Variants in PDE10A observed in about 807,000 individuals in gnomAD.
The protein encoded by PDE10A is phosphodiesterase 10A.
PDE10A carries 39 observed loss-of-function variants against 97.7 expected under a neutral mutation model. That is an observed-to-expected ratio of 0.40 (90% confidence interval 0.31 to 0.52). The LOEUF (loss-of-function observed/expected upper bound fraction) is 0.52, where lower values mean the gene tolerates loss of function less well. Among genes scored for constraint, PDE10A ranks in the 20% least tolerant of loss-of-function variants. The probability of loss-of-function intolerance (pLI) is 0.56; values close to 1 mark genes in which losing one functional copy is unlikely to be tolerated. For synonymous variants in PDE10A, 371 were observed against 376.8 expected, an observed-to-expected ratio of 0.98 and a Z score of 0.18; for missense variants, 731 against 1,047.8, an observed-to-expected ratio of 0.70 and a Z score of 4.17.
chr6:165,551,157 C>A (rs1175110221), intron 1 of PDE10A, among the ~76,000 whole-genome samples: 1 of 152,202 alleles, frequency 6.6e-6, no homozygotes, highest in East Asian at 1.9e-4. Context: ...TTGTTCTAGG[C>A]TGTACACATA....
intron 1 of PDE10A, among the ~76,000 whole-genome samples, chr6:165,830,229 C>T (rs1293605706): frequency 6.6e-6 from 1 of 152,152 alleles, no homozygotes; most frequent in Non-Finnish European, 1.5e-5. Flanking sequence ...CCATGAAGTG[C>T]CTAGGGGAGG....
At chr6:165,762,131 A>G (rs1793265150) in intron 1 of PDE10A, among the ~76,000 whole-genome samples, 1 of 151,132 alleles carries the variant, frequency 6.6e-6, no homozygotes, top group Non-Finnish European at 1.5e-5. Flanking sequence ...CAGACCACTT[A>G]TCAGTCATGA....
chr6:165,637,839 C>T (rs1019223180), intron 1 of PDE10A, among the ~76,000 whole-genome samples: 2 of 152,112 alleles, frequency 1.3e-5, no homozygotes, highest in African/African-American at 4.8e-5. Context: ...GGGCAGAACG[C>T]CAAAGCAGAA....
At chr6:165,812,595 T>C (rs1178608407) in intron 1 of PDE10A, among the ~76,000 whole-genome samples, 1 of 152,232 alleles carries the variant, frequency 6.6e-6, no homozygotes, top group Admixed American at 6.5e-5. Flanking sequence ...AGTTTGGAGT[T>C]GCTTTGGTAA....
intron 1 of PDE10A, among the ~76,000 whole-genome samples, chr6:165,801,134 G>A (rs1027796418): frequency 6.6e-6 from 1 of 152,202 alleles, no homozygotes; most frequent in Admixed American, 6.5e-5. Flanking sequence ...CAGCGAACTT[G>A]TCCATGTCAG....
chr6:165,794,800 A>G (rs1157318300), intron 1 of PDE10A, among the ~76,000 whole-genome samples: 3 of 152,250 alleles, frequency 2.0e-5, no homozygotes, highest in African/African-American at 7.2e-5. Context: ...TCTTAAGTGA[A>G]GGGATGACTT....
chr6:165,640,147 T>C (rs1003394414), intron 1 of PDE10A, among the ~76,000 whole-genome samples: 1 of 152,080 alleles, frequency 6.6e-6, no homozygotes, highest in Non-Finnish European at 1.5e-5. Flanking sequence ...CTCTTTCCCA[T>C]TAGGGTATAG....
At chr6:165,937,864 G>C (rs78285315) in intron 1 of PDE10A, among the ~76,000 whole-genome samples, 6,590 of 152,160 alleles carry the variant, frequency 0.043, 200 homozygotes, top group Non-Finnish European at 0.061. Flanking sequence ...AACCAAACTA[G>C]TCTTGTTCAT....
chr6:165,518,092 C>T (rs12661723), intron 2 of PDE10A, among the ~76,000 whole-genome samples: 1 of 152,042 alleles, frequency 6.6e-6, no homozygotes, highest in Non-Finnish European at 1.5e-5. Context: ...AAAGCCTGAA[C>T]AAAATATTTT....
At chr6:165,800,824 T>G (rs955198870) in intron 1 of PDE10A, among the ~76,000 whole-genome samples, 1 of 152,124 alleles carries the variant, frequency 6.6e-6, no homozygotes, top group Admixed American at 6.5e-5. Context: ...CCATTTAAAA[T>G]CCATTTAGAG....
chr6:165,883,497 G>A (rs1225995388), intron 1 of PDE10A, among the ~76,000 whole-genome samples: 3 of 150,056 alleles, frequency 2.0e-5, no homozygotes, highest in South Asian at 2.1e-4. Flanking sequence ...CTAAGACCAC[G>A]CCACTGCACT....
chr6:165,866,723 T>C (rs1466534709), intron 1 of PDE10A, among the ~76,000 whole-genome samples: 2 of 149,540 alleles, frequency 1.3e-5, no homozygotes, highest in African/African-American at 2.5e-5. Context: ...AGAATCTCCA[T>C]TGGAATAATA....
chr6:165,663,938 A>G (rs1217156489), upstream of PDE10A, among the ~76,000 whole-genome samples: 2 of 152,210 alleles, frequency 1.3e-5, no homozygotes, highest in African/African-American at 4.8e-5. Flanking sequence ...AGGAGCCGCC[A>G]GAAGTTTGGG....
At chr6:165,737,304 C>G (rs1320683265) in intron 1 of PDE10A, among the ~76,000 whole-genome samples, 3 of 152,120 alleles carry the variant, frequency 2.0e-5, no homozygotes, top group African/African-American at 7.2e-5. Flanking sequence ...GCCAACATTA[C>G]TTTAATACCA....
intron 1 of PDE10A, among the ~76,000 whole-genome samples, chr6:165,808,391 C>A (rs1377753537): frequency 6.6e-6 from 1 of 152,150 alleles, no homozygotes; most frequent in Non-Finnish European, 1.5e-5. Flanking sequence ...ACACAGACAG[C>A]GGGTGATGTC....
intron 18 of PDE10A, among the ~76,000 whole-genome samples, chr6:165,371,718 C>T (rs9459394): frequency 0.08 from 12,077 of 151,912 alleles, 542 homozygotes; most frequent in Middle Eastern, 0.2. Flanking sequence ...TCCTCCCTAA[C>T]TCATTTTATG....
chr6:165,521,959 C>A (rs1013495838), intron 2 of PDE10A, among the ~76,000 whole-genome samples: 1 of 152,154 alleles, frequency 6.6e-6, no homozygotes, highest in Non-Finnish European at 1.5e-5. Flanking sequence ...TTTCACTGAG[C>A]ATAATTTCCT....
intron 1 of PDE10A, among the ~76,000 whole-genome samples, chr6:165,957,603 T>C: frequency 6.6e-6 from 1 of 152,216 alleles, no homozygotes; most frequent in Non-Finnish European, 1.5e-5. Context: ...AAGAATGACT[T>C]TATTTGTGCA....
At chr6:165,683,215 A>G (rs1394345188) in intron 1 of PDE10A, among the ~76,000 whole-genome samples, 2 of 152,182 alleles carry the variant, frequency 1.3e-5, no homozygotes, top group Admixed American at 1.3e-4. Flanking sequence ...AGCGCTCTCC[A>G]GTGAGGAGTG....
Sources: gnomAD v4.1 joint callset for allele counts (sites outside exome capture counted in the v4.1 genomes callset) on GRCh38, gnomAD v4.1.1 for gene constraint, MANE v1.5 for transcripts, NCBI Gene and HGNC (gene_info 2026-07-23, HGNC 2026-07-21) for gene names.